The following DLEU7 variants were observed in gnomAD, a reference collection of about 807,000 sequenced individuals.
DLEU7 encodes the protein leukemia-associated protein 7.
Under a neutral mutation model 16.0 loss-of-function variants are expected in DLEU7, and 17 were observed. The observed-to-expected ratio is 1.06, with a 90% CI of 0.73 to 1.59. DLEU7 has a LOEUF of 1.59. Among genes scored for constraint, DLEU7 ranks in the 40% most tolerant of loss-of-function variants. DLEU7 has a pLI of 0.00. For synonymous variants in DLEU7, 113 were observed against 139.8 expected, an observed-to-expected ratio of 0.81 and a Z score of 1.35; for missense variants, 308 against 314.9, an observed-to-expected ratio of 0.98 and a Z score of 0.17.
At chr13:50,843,766 C>T (rs1041785301), upstream of DLEU7, 12 of 1,347,792 alleles carry the variant, frequency 8.9e-6, no homozygotes, top group Non-Finnish European at 1.2e-5. The surrounding 1 kb of genome is among the most constrained non-coding windows in gnomAD (Gnocchi z 5.7). Context: ...CTCTGGGTCT[C>T]ACAGCGTGTG....
rs192959484 is a variant in DLEU7, at chr13:50,740,671, C to T, written c.460-27431G>A. On this transcript the variant is annotated intron_variant, in intron 1 of 1. Coordinates refer to the DLEU7 transcript ENST00000400393. ...GGTTCTAAAGGAAGCCTATATGAGG[C>T]GATAGTCTCAAATATAGAAACATAT... Among the ~76,000 whole-genome samples the T allele has an allele frequency of 9.9e-5, 15 of 152,170 alleles. No homozygotes were observed. In the East Asian group the frequency reaches 2.3e-3, roughly 24 times the overall value.
chr13:50,805,854 T>C (rs1421110026), intron 1 of DLEU7, among the ~76,000 whole-genome samples: 3 of 152,216 alleles, frequency 2.0e-5, no homozygotes, highest in African/African-American at 4.8e-5. Flanking sequence ...TAAAGTTTTA[T>C]TGGAATATAG....
chr13:50,732,257 C>A (rs899846637), intron 1 of DLEU7, among the ~76,000 whole-genome samples: 1 of 152,136 alleles, frequency 6.6e-6, no homozygotes, highest in Non-Finnish European at 1.5e-5. Context: ...TTTTATAATT[C>A]ATCATCCATG....
At chr13:50,804,202 G>GT (rs1458926758) in intron 1 of DLEU7, among the ~76,000 whole-genome samples, 3 of 151,520 alleles carry the variant, frequency 2.0e-5, no homozygotes, top group Non-Finnish European at 2.9e-5. Context: ...ATTCCTGCTT[G>GT]TTTTTTTCCT....
rs1877757666 is a variant in DLEU7 at position 50,843,515 on chromosome 13, G to A, written c.132C>T (p.Asp44=). ...GACGGGCTGGAGCGGTGGACACGTG[G>A]TCTGGGTCCCGCGGGTTCCCGGGGG... ...PVAPGNPRDP[D]HVSTAPARRS... Residue 44 remains aspartate, a synonymous_variant, in exon 1 of 2, where the codon GAC becomes GAT. Transcript: ENST00000504404. The surrounding 1 kb of genome is among the most constrained non-coding windows in gnomAD (Gnocchi z 5.7). The A allele has an allele frequency of 2.1e-6, 3 of 1,420,136 alleles. No individual in the cohort carries two copies. The African/African-American group carries it at 4.6e-5, about 22-fold the overall frequency. The allele number at this position is 1,420,136 out of a possible 1,614,324, so 88.0% of individuals were successfully genotyped here.
chr13:50,755,844 C>T (rs9568468), intron 1 of DLEU7, among the ~76,000 whole-genome samples: 8,394 of 152,104 alleles, frequency 0.055, 492 homozygotes, highest in East Asian at 0.22. Context: ...TAGGTAGGCT[C>T]CGTCAGAGGC....
chr13:50,767,587 G>A (rs957770980), intron 1 of DLEU7, among the ~76,000 whole-genome samples: 1 of 151,922 alleles, frequency 6.6e-6, no homozygotes, highest in Non-Finnish European at 1.5e-5. Context: ...ACTGAACCCT[G>A]TCTGTCTTCC....
chr13:50,742,227 T>C (rs532084481), intron 1 of DLEU7, among the ~76,000 whole-genome samples: 2 of 152,144 alleles, frequency 1.3e-5, no homozygotes, highest in Non-Finnish European at 2.9e-5. Flanking sequence ...TGTTTTCCAA[T>C]TTTCTGAAAA....
intron 1 of DLEU7, among the ~76,000 whole-genome samples, chr13:50,815,799 C>A (rs1876716548): frequency 6.6e-6 from 1 of 152,120 alleles, no homozygotes; most frequent in African/African-American, 2.4e-5. Flanking sequence ...TTTAGTGCAA[C>A]CTCATGACTA....
At chr13:50,775,109 T>C (rs377403292) in intron 1 of DLEU7, among the ~76,000 whole-genome samples, 52 of 152,164 alleles carry the variant, frequency 3.4e-4, no homozygotes, top group African/African-American at 1.2e-3. Context: ...TTTCTACTTC[T>C]GTTATTCTCT....
chr13:50,722,162 C>T (rs1276668004), intron 1 of DLEU7, among the ~76,000 whole-genome samples: 1 of 152,150 alleles, frequency 6.6e-6, no homozygotes, highest in African/African-American at 2.4e-5. Context: ...CTGGAGTGAC[C>T]TGCCCCATCC....
At chr13:50,804,943 G>A (rs191985415) in intron 1 of DLEU7, among the ~76,000 whole-genome samples, 1 of 151,380 alleles carries the variant, frequency 6.6e-6, no homozygotes, top group East Asian at 1.9e-4. Context: ...TTTTTTTTCA[G>A]TTGGCTCACT....
chr13:50,794,190 C>T (rs879267254), intron 1 of DLEU7, among the ~76,000 whole-genome samples: 2 of 152,044 alleles, frequency 1.3e-5, no homozygotes, highest in Non-Finnish European at 2.9e-5. Flanking sequence ...TATCCTAGCT[C>T]AACGATGCCC....
At chr13:50,773,216 C>G (rs1344912477) in intron 1 of DLEU7, among the ~76,000 whole-genome samples, 1 of 152,128 alleles carries the variant, frequency 6.6e-6, no homozygotes, top group Admixed American at 6.5e-5. Context: ...TTCAGACATC[C>G]TCCTTTAGCT....
exon 2 of DLEU7, chr13:50,713,005 A>C (rs936254972): frequency 9.0e-6 from 5 of 555,916 alleles, no homozygotes; most frequent in East Asian, 5.8e-5. Flanking sequence ...AAGCAGGATG[A>C]TTTGTGGCGC....
chr13:50,734,920 TA>T (rs1487865951), intron 1 of DLEU7, among the ~76,000 whole-genome samples: 1 of 152,124 alleles, frequency 6.6e-6, no homozygotes, highest in Non-Finnish European at 1.5e-5. Context: ...AGATAAACTT[TA>T]AAGAGACAGG....
At chr13:50,828,849 G>C (rs1048947088) in intron 1 of DLEU7, among the ~76,000 whole-genome samples, 1 of 152,182 alleles carries the variant, frequency 6.6e-6, no homozygotes, top group Non-Finnish European at 1.5e-5. Context: ...CTAGGTGCCA[G>C]GACAGAACCA....
At chr13:50,789,626 T>C (rs2137772177) in intron 1 of DLEU7, among the ~76,000 whole-genome samples, 1 of 152,194 alleles carries the variant, frequency 6.6e-6, no homozygotes, top group Non-Finnish European at 1.5e-5. Context: ...AATCAATGCC[T>C]ACTTGATTGC....
At chr13:50,747,374 C>CACAGAG (rs1874432862) in intron 1 of DLEU7, among the ~76,000 whole-genome samples, 1 of 141,362 alleles carries the variant, frequency 7.1e-6, no homozygotes, top group African/African-American at 2.5e-5. Context: ...GTGTGTGTGA[C>CACAGAG]AGAGAGGGAG....
Sources: allele counts gnomAD v4.1 joint callset (sites outside exome capture counted in the v4.1 genomes callset), GRCh38; gene constraint gnomAD v4.1.1; non-coding constraint Gnocchi (gnomAD v3.1); transcripts MANE v1.5; gene names NCBI Gene and HGNC (gene_info 2026-07-23, HGNC 2026-07-21).